GPR39: variants seen among roughly 807,000 people sequenced by gnomAD.
The protein encoded by GPR39 is zinc sensing receptor.
Under a neutral mutation model 18.4 loss-of-function variants are expected in GPR39, and 23 were observed. The ratio of observed to expected loss-of-function variants is 1.25; its 90% CI spans 0.90 to 1.77. GPR39 has a LOEUF of 1.77. GPR39 is among the 40% of genes most tolerant of loss of function. The pLI is 0.00. For synonymous variants in GPR39, 280 were observed against 257.9 expected (o/e 1.09, Z -0.82); for missense variants, 647 against 602.4 (o/e 1.07, Z -0.78).
intron 1 of GPR39, among the ~76,000 whole-genome samples, chr2:132,568,492 G>A (rs1308857655): frequency 6.6e-6 from 1 of 152,020 alleles, no homozygotes; most frequent in Non-Finnish European, 1.5e-5. Context: ...GATCACCTGA[G>A]GCCAGGAATT....
At chr2:132,505,281 T>C (rs1679114202) in intron 1 of GPR39, among the ~76,000 whole-genome samples, 1 of 152,206 alleles carries the variant, frequency 6.6e-6, no homozygotes, top group Admixed American at 6.5e-5. Flanking sequence ...ATACATAATA[T>C]GTGTACATAC....
chr2:132,642,081 G>A (rs1370452883), intron 1 of GPR39, among the ~76,000 whole-genome samples: 1 of 152,168 alleles, frequency 6.6e-6, no homozygotes, highest in East Asian at 1.9e-4. Context: ...AAATGCATGG[G>A]AAATTAGCAG....
At chr2:132,557,080 C>T (rs1173172672) in intron 1 of GPR39, among the ~76,000 whole-genome samples, 1 of 103,720 alleles carries the variant, frequency 9.6e-6, no homozygotes, top group Non-Finnish European at 1.9e-5. Context: ...CTTTGGGAGG[C>T]CAAGGGGGGG....
intron 1 of GPR39, chr2:132,488,797 C>A: frequency 5.9e-6 from 1 of 170,212 alleles, no homozygotes; most frequent in East Asian, 1.3e-4. Context: ...TAGCCCCATC[C>A]ACATCCCGCC....
chr2:132,610,549 G>T (rs1313273859), intron 1 of GPR39, among the ~76,000 whole-genome samples: 1 of 152,008 alleles, frequency 6.6e-6, no homozygotes, highest in African/African-American at 2.4e-5. Flanking sequence ...AGCCGAGGTG[G>T]GTGGATCACT....
At chr2:132,438,198 C>T (rs1680366055) in intron 1 of GPR39, among the ~76,000 whole-genome samples, 1 of 152,204 alleles carries the variant, frequency 6.6e-6, no homozygotes, top group African/African-American at 2.4e-5. Context: ...ACGCAAGGTC[C>T]AACCATTCAT....
At chr2:132,568,526 C>T (rs1014370584) in intron 1 of GPR39, among the ~76,000 whole-genome samples, 2 of 151,944 alleles carry the variant, frequency 1.3e-5, no homozygotes, top group Non-Finnish European at 2.9e-5. Context: ...GCCAACAGGG[C>T]GAAACCCTGT....
At chr2:132,626,968 T>C (rs1012698650) in intron 1 of GPR39, among the ~76,000 whole-genome samples, 6 of 152,358 alleles carry the variant, frequency 3.9e-5, no homozygotes, top group Non-Finnish European at 7.4e-5. Context: ...CAATGTTATG[T>C]CTTTGCCTTC....
At chr2:132,536,081 G>T (rs1043636935) in intron 1 of GPR39, among the ~76,000 whole-genome samples, 1 of 149,422 alleles carries the variant, frequency 6.7e-6, no homozygotes, top group Non-Finnish European at 1.5e-5. Context: ...TTCAGTTCTG[G>T]TCTGATCTTA....
Position 132,500,815 on chromosome 2 carries a change from A to G in GPR39, c.856+82917A>G, listed in dbSNP as rs552159262. Among the ~76,000 whole-genome samples the G allele has an allele frequency of 6.6e-5, 10 of 152,184 alleles. No homozygotes were observed. In the East Asian group the frequency reaches 1.9e-3, roughly 29 times the overall value. On this transcript the variant is annotated intron_variant, in intron 1 of 1. Transcript: ENST00000329321. ...TCCTAGTTAAATCTAGGAGGGTTGT[A>G]TACTTCTAGAAATTTATCCATCTCC...
At chr2:132,597,890 G>A (rs1397270375) in intron 1 of GPR39, among the ~76,000 whole-genome samples, 2 of 152,198 alleles carry the variant, frequency 1.3e-5, no homozygotes, top group Non-Finnish European at 2.9e-5. Context: ...GGGTCACACA[G>A]GGTCTCCTGA....
Position 132,645,240 on chromosome 2 carries a change from T to C in GPR39, c.996T>C (p.Phe332=), listed in dbSNP as rs369559026. Residue 332 remains phenylalanine (F), a synonymous_variant, in exon 2 of 2, where the codon TTT becomes TTC. Transcript: ENST00000329321. ...YMILLPFSET[F]FYLSSVINPL... is the part of the protein sequence containing the mutation. ...TCCTCCTCCCCTTCTCGGAGACGTTTTTCTACCTCAGCTCGGTCATCAACC... is the reference window on the plus strand; with the variant it reads ...TCCTCCTCCCCTTCTCGGAGACGTTCTTCTACCTCAGCTCGGTCATCAACC... 2 of 1,614,012 alleles carry C rather than the reference T, an allele frequency of 1.2e-6. No individual in the cohort carries two copies. Among genetic ancestry groups the C allele is most frequent in the African/African-American group, 2.7e-5 (2 of 74,912 alleles).
intron 1 of GPR39, among the ~76,000 whole-genome samples, chr2:132,456,970 C>G (rs1040340983): frequency 6.6e-6 from 1 of 152,126 alleles, no homozygotes; most frequent in African/African-American, 2.4e-5. Context: ...GGGTGGCTCT[C>G]CTCGAGGAGT....
chr2:132,526,055 G>A (rs1679501959), intron 1 of GPR39, among the ~76,000 whole-genome samples: 1 of 152,074 alleles, frequency 6.6e-6, no homozygotes, highest in Non-Finnish European at 1.5e-5. Flanking sequence ...TCTGAAAATG[G>A]GATATTTACT....
rs5834318 is a variant in GPR39 at position 132,545,653 on chromosome 2, G to GGTGTGT, written c.857-99447_857-99446insTGTGTG. 9.8e-3 allele frequency among the ~76,000 whole-genome samples: 1,316 copies of GGTGTGT among 134,778 alleles called. 8 individuals are homozygous for GGTGTGT. Among genetic ancestry groups the GGTGTGT allele is most frequent in the South Asian group, 0.037 (149 of 4,018 alleles). The allele number at this position is 134,778 out of a possible 152,430, so 88.4% of individuals were successfully genotyped here. A position where few individuals can be genotyped will look rare whatever the true frequency, so the allele number is the denominator to read the frequency against. Reference sequence around the variant, plus strand: ...ATCTTATAATCCACGATGTGTGATGGGCGTGTGTGTGTGTGTGTGTGTGTG... The same window carrying GGTGTGT: ...ATCTTATAATCCACGATGTGTGATGGGTGTGTGCGTGTGTGTGTGTGTGTGTGTGTG... On this transcript the variant is annotated intron_variant, in intron 1 of 1. Coordinates refer to ENST00000329321, the MANE Select transcript of GPR39 (RefSeq NM_001508.3).
chr2:132,579,732 A>G (rs1680592467), intron 1 of GPR39, among the ~76,000 whole-genome samples: 1 of 151,944 alleles, frequency 6.6e-6, no homozygotes, highest in African/African-American at 2.4e-5. Context: ...TTTTAATTTT[A>G]TTTCAAAGAG....
intron 1 of GPR39, among the ~76,000 whole-genome samples, chr2:132,473,331 T>C (rs1681067264): frequency 1.3e-5 from 2 of 152,172 alleles, no homozygotes; most frequent in South Asian, 4.1e-4. Context: ...ATGTATGTGT[T>C]CTCTTAGTAA....
At chr2:132,515,235 A>T (rs1334642820) in intron 1 of GPR39, among the ~76,000 whole-genome samples, 1 of 152,164 alleles carries the variant, frequency 6.6e-6, no homozygotes, top group East Asian at 1.9e-4. Flanking sequence ...GTCTCCTTCT[A>T]GTGACAACCT....
chr2:132,438,805 A>G (rs1003011099), intron 1 of GPR39, among the ~76,000 whole-genome samples: 5 of 152,078 alleles, frequency 3.3e-5, no homozygotes, highest in African/African-American at 9.7e-5. Context: ...CTTCTGTCAT[A>G]CCCTGAGGGT....
Sources: gnomAD v4.1 joint callset for allele counts (sites outside exome capture counted in the v4.1 genomes callset) on GRCh38, gnomAD v4.1.1 for gene constraint, MANE v1.5 for transcripts, NCBI Gene and HGNC (gene_info 2026-07-23, HGNC 2026-07-21) for gene names.